Variants in RNF44 observed in about 807,000 individuals in gnomAD.
The protein encoded by RNF44 is ring finger protein 44.
Under a neutral mutation model 53.6 loss-of-function variants are expected in RNF44, and 25 were observed. The observed-to-expected ratio is 0.47, with a 90% CI of 0.34 to 0.65. The LOEUF is 0.65. Among genes scored for constraint, RNF44 ranks in the 30% least tolerant of loss-of-function variants. The pLI, the probability that RNF44 is intolerant of heterozygous loss-of-function variation, is 0.01. For missense variants in RNF44, 581 were observed against 595.5 expected, an observed-to-expected ratio of 0.98 and a Z score of 0.25; for synonymous variants, 282 against 252.2, an observed-to-expected ratio of 1.12 and a Z score of -1.12.
chr5:176,528,924 C>G lies in RNF44; in HGVS notation c.*104G>C, dbSNP rs1209122873. 1 of 1,089,444 alleles carries G rather than the reference C, an allele frequency of 9.2e-7. No individual in the cohort carries two copies. Among genetic ancestry groups the G allele is most frequent in the Non-Finnish European group, 1.3e-6 (1 of 756,874 alleles). 67.5% of individuals were successfully genotyped at this position (1,089,444 alleles called of 1,614,324 possible). ...CCAGCTCTGGAAATGCAGGCAGGAG[C>G]GAAGGGGCAGGCCTGGGCCACTCCC... On this transcript the variant is annotated 3_prime_UTR_variant, in exon 11 of 11. Transcript: ENST00000274811.
rs1756676587 is a variant in RNF44, at chr5:176,531,640, G to A, written c.298-10C>T. On this transcript the variant is annotated splice_polypyrimidine_tract_variant and intron_variant, in intron 3 of 10. Coordinates refer to ENST00000274811, the MANE Select transcript of RNF44 (RefSeq NM_014901.5). The surrounding 1 kb of genome is among the most constrained non-coding windows in gnomAD (Gnocchi z 4.2). ...CAGGTCCCTGGTGCACCTGTGGGTG[G>A]AGAGAACGCCGGGAAAGTATGAAAA... 6.3e-7 allele frequency: 1 copy of A among 1,596,634 alleles called. No homozygotes were observed. Among genetic ancestry groups the A allele is most frequent in the East Asian group, 2.2e-5 (1 of 44,586 alleles).
At chr5:176,532,802 G>T (rs2113147556) in intron 1 of RNF44, among the ~76,000 whole-genome samples, 1 of 148,564 alleles carries the variant, frequency 6.7e-6, no homozygotes, top group Middle Eastern at 3.5e-3. Context: ...CCAGGCGCTT[G>T]TGCCATGAGG....
intron 5 of RNF44, 32 bp from the exon 6 acceptor site, chr5:176,530,775 G>T (rs1406690655): frequency 6.6e-7 from 1 of 1,504,834 alleles, no homozygotes; most frequent in Admixed American, 2.5e-5. Context: ...CAGCAAGTCA[G>T]TGAGACGAGG....
chr5:176,539,185 A>G (rs543204470), upstream of RNF44, among the ~76,000 whole-genome samples: 3 of 152,234 alleles, frequency 2.0e-5, no homozygotes, highest in Non-Finnish European at 4.4e-5. Flanking sequence ...CAGATCTCTA[A>G]GCAACACAAG....
At chr5:176,532,666 C>G in intron 1 of RNF44, 150 bp from the exon 2 acceptor site, 1 of 516,550 alleles carries the variant, frequency 1.9e-6, no homozygotes, top group Non-Finnish European at 3.1e-6. Context: ...TCGCTTGAAC[C>G]CGGGAGGCGG....
upstream of RNF44, among the ~76,000 whole-genome samples, chr5:176,540,136 C>A (rs1006914035): frequency 6.6e-6 from 1 of 152,218 alleles, no homozygotes; most frequent in Non-Finnish European, 1.5e-5. Flanking sequence ...AATTTGCACA[C>A]AGTCCTGTCA....
At chr5:176,538,056 T>G (rs935097921), upstream of RNF44, 1 of 152,194 alleles carries the variant, frequency 6.6e-6, no homozygotes, top group Non-Finnish European at 1.5e-5. Context: ...CTGCTCGCGC[T>G]GACGTCACAG....
Position 176,532,146 on chromosome 5 carries a change from C to T in RNF44, c.155G>A (p.Arg52His), listed in dbSNP as rs577899170. Residue 52 changes from arginine (R) to histidine (H), a missense_variant, in exon 3 of 11, where the codon CGC becomes CAC. Physicochemically the swap from Arg to His is conservative, Grantham distance 29. Around this residue, in one of 3 missense-constraint regions of RNF44, gnomAD observed 387 missense variants for 366.0 expected, o/e 1.06. Coordinates refer to ENST00000274811, the MANE Select transcript of RNF44 (RefSeq NM_014901.5). ...PLASPPARDE[R>H]LPSQQPPSRP... ...GGACGGCGGCTGCTGGGAGGGTAAG[C>T]GCTCATCCCGGGCAGGCGGGCTGGC... 34 of 1,569,312 alleles carry T rather than the reference C, an allele frequency of 2.2e-5. No individual in the cohort carries two copies. Among genetic ancestry groups the T allele is most frequent in the East Asian group, 1.1e-4 (5 of 44,148 alleles).
chr5:176,538,313 T>G (rs1253488296), upstream of RNF44, among the ~76,000 whole-genome samples: 2 of 152,140 alleles, frequency 1.3e-5, no homozygotes, highest in Admixed American at 1.3e-4. Context: ...GCCAGTTCAT[T>G]TTACAGATGG....
In RNF44 at chr5:176,530,621, C is replaced by T. The variant is rs896787213; in HGVS notation, c.762G>A (p.Leu254=). The T allele has an allele frequency of 6.7e-7, 1 of 1,501,466 alleles. No homozygotes were observed. 93.0% of individuals were successfully genotyped at this position (1,501,466 alleles called of 1,614,324 possible). The change falls in exon 6 of 11, where the codon CTG becomes CTA. Residue 254 remains leucine (L), a synonymous_variant. Transcript: ENST00000274811. ...GCTCCTGGTGCAGCGGATCGTGGGGCAGGTAGTGCAGGGGCACCGACGGGG... is the reference window on the plus strand; with the variant it reads ...GCTCCTGGTGCAGCGGATCGTGGGGTAGGTAGTGCAGGGGCACCGACGGGG... ...ALSPSVPLHY[L]PHDPLHQELS...
chr5:176,531,414 T>C lies in RNF44; in HGVS notation c.465+49A>G. ...CTGGGCCCGCTGAGCCGCTGGCCTG[T>C]GCCTGGGGCTTGCAGCTGGTGGAGG... On this transcript the variant is annotated intron_variant, in intron 4 of 10. Coordinates refer to ENST00000274811, the MANE Select transcript of RNF44 (RefSeq NM_014901.5). The surrounding 1 kb of genome is among the most constrained non-coding windows in gnomAD (Gnocchi z 4.2). The C allele has an allele frequency of 6.6e-7, 1 of 1,522,126 alleles. No individual in the cohort carries two copies. Among genetic ancestry groups the C allele is most frequent in the Non-Finnish European group, 8.8e-7 (1 of 1,132,512 alleles). The allele number at this position is 1,522,126 out of a possible 1,614,324, so 94.3% of individuals were successfully genotyped here. A position where few individuals can be genotyped will look rare whatever the true frequency, so the allele number is the denominator to read the frequency against.
At chr5:176,536,125 T>C (rs1475502877) in intron 1 of RNF44, 1 of 151,958 alleles carries the variant, frequency 6.6e-6, no homozygotes, top group Non-Finnish European at 1.5e-5. Flanking sequence ...CCTTCCTACT[T>C]CCCCACACCC....
In RNF44 at chr5:176,529,394, A is replaced by AG; in HGVS notation, c.1137-8dup. 1 of 1,608,962 alleles carries AG rather than the reference A, an allele frequency of 6.2e-7. No homozygotes were observed. On this transcript the variant is annotated splice_polypyrimidine_tract_variant and splice_region_variant and intron_variant, in intron 9 of 10. Transcript: ENST00000274811. ...ACTGAAGCAGACCACACACCTGTGG[A>AG]GGGGCGCGGAGCGTCACCTCCACGC...
chr5:176,530,016 T>G, intron 7 of RNF44, 66 bp downstream of exon 7: 1 of 1,466,976 alleles, frequency 6.8e-7, no homozygotes, highest in Non-Finnish European at 9.0e-7. Flanking sequence ...TGTGTTTAGG[T>G]CTAACCACTG....
chr5:176,530,917 T>TGGGGTGGGGGGGGGGGGGGGGGGGGG lies in RNF44; in HGVS notation c.569_570insCCCCCCCCCCCCCCCCCCCCCACCCC (p.Gln193ProfsTer89). 4.3e-6 allele frequency: 1 copy of TGGGGTGGGGGGGGGGGGGGGGGGGGG among 232,840 alleles called. No homozygotes were observed. The allele number at this position is 232,840 out of a possible 1,614,324, so 14.4% of individuals were successfully genotyped here. On this transcript the variant is annotated frameshift_variant, in exon 5 of 11. Transcript: ENST00000274811. LOFTEE classifies it high-confidence loss of function. ...GCGCCATGTGGGTGGGCTGGGGGGG[T>TGGGGTGGGGGGGGGGGGGGGGGGGGG]GGGGCCGGTGGTGGGGGGTGCAGGA...
chr5:176,530,553 G>C, intron 6 of RNF44, 29 bp downstream of exon 6: 3 of 1,404,256 alleles, frequency 2.1e-6, no homozygotes, highest in Non-Finnish European at 1.9e-6. Context: ...CTGCCCTGGA[G>C]CCCAGGTGGG....
At position 176,532,318 on chromosome 5, in the gene RNF44, C is replaced by G. The variant is rs779281356; in HGVS notation, c.107+48G>C. ...CAGCTCAGGGCCCTGCGCCCCACCC[C>G]TGCTGGCCCCCATGCCCCAGCACCA... is the stretch of plus-strand genomic sequence containing the variant. On this transcript the variant is annotated intron_variant, in intron 2 of 10. Transcript: ENST00000274811. 3 of 1,557,920 alleles carry G rather than the reference C, an allele frequency of 1.9e-6. No individual in the cohort carries two copies. The Admixed American group carries it at 5.7e-5, about 30-fold the overall frequency.
intron 1 of RNF44, among the ~76,000 whole-genome samples, chr5:176,533,664 G>A (rs576912937): frequency 2.6e-5 from 4 of 152,182 alleles, no homozygotes; most frequent in African/African-American, 4.8e-5. Flanking sequence ...GGAAGAACCC[G>A]AGAGAGGAAG....
At chr5:176,534,553 T>A (rs1756991503) in intron 1 of RNF44, among the ~76,000 whole-genome samples, 1 of 152,194 alleles carries the variant, frequency 6.6e-6, no homozygotes, top group African/African-American at 2.4e-5. Flanking sequence ...CCCATCCCAG[T>A]CCTCCTGGAC....
Sources: allele counts gnomAD v4.1 joint callset (sites outside exome capture counted in the v4.1 genomes callset), GRCh38; gene constraint gnomAD v4.1.1; regional missense constraint gnomAD v4.1.1; non-coding constraint Gnocchi (gnomAD v3.1); transcripts MANE v1.5; gene names NCBI Gene and HGNC (gene_info 2026-07-23, HGNC 2026-07-21).